TNRC6A: variants seen among roughly 807,000 people sequenced by gnomAD.
TNRC6A encodes trinucleotide repeat-containing gene 6A protein.
TNRC6A carries 44 observed loss-of-function variants against 221.2 expected under a neutral mutation model. The ratio of observed to expected loss-of-function variants is 0.20; its 90% CI spans 0.16 to 0.26. The LOEUF is 0.26. Ranked by LOEUF, TNRC6A falls within the 10% of genes least tolerant of loss-of-function variation. TNRC6A has a pLI of 1.00. For synonymous variants in TNRC6A, 847 were observed against 838.5 expected (o/e 1.01, Z -0.18); for missense variants, 2,199 against 2,404.4 (o/e 0.91, Z 1.79).
intron 2 of TNRC6A, among the ~76,000 whole-genome samples, chr16:24,675,659 A>ACTCTCTCTCTCT (rs71381700): frequency 3.7e-4 from 14 of 37,550 alleles, no homozygotes; most frequent in East Asian, 1.4e-3. Flanking sequence ...CCAGCCAGAG[A>ACTCTCTCTCTCT]CTCTCTCTCT....
intron 18 of TNRC6A, among the ~76,000 whole-genome samples, chr16:24,809,814 T>G (rs2058507266): frequency 6.6e-6 from 1 of 152,240 alleles, no homozygotes; most frequent in African/African-American, 2.4e-5. Context: ...TGATATGTTC[T>G]TAGGACATTT....
intron 2 of TNRC6A, among the ~76,000 whole-genome samples, chr16:24,719,606 C>A (rs972086459): frequency 2.6e-5 from 4 of 151,946 alleles, no homozygotes; most frequent in Admixed American, 1.3e-4. Context: ...TTGCAGTGAG[C>A]TGCAGTCATG....
intron 2 of TNRC6A, chr16:24,661,934 C>T (rs1267323093): frequency 1.3e-5 from 2 of 152,110 alleles, no homozygotes; most frequent in African/African-American, 2.4e-5. Flanking sequence ...AACATATGTA[C>T]TCTGTAGTCC....
rs889521876 is a variant in TNRC6A at position 24,806,856 on chromosome 16, C to G, written c.4540+72C>G. 14 of 1,381,268 alleles carry G rather than the reference C, an allele frequency of 1.0e-5. No individual in the cohort carries two copies. In the African/African-American group the frequency reaches 2.0e-4, roughly 20 times the overall value. 85.6% of individuals were successfully genotyped at this position (1,381,268 alleles called of 1,614,324 possible). A position where few individuals can be genotyped will look rare whatever the true frequency, so the allele number is the denominator to read the frequency against. ...CAGGCGTGCCTCCTTCACACGTACC[C>G]TTACAGCTCTGTTCCTTCATGAAAG... On this transcript the variant is annotated intron_variant, in intron 17 of 24. Coordinates refer to ENST00000395799, the MANE Select transcript of TNRC6A (RefSeq NM_014494.4).
chr16:24,689,747 C>T (rs1297596136), intron 2 of TNRC6A, among the ~76,000 whole-genome samples: 1 of 151,832 alleles, frequency 6.6e-6, no homozygotes, highest in Non-Finnish European at 1.5e-5. Context: ...TATGGTGACA[C>T]ATGCTATGAG....
intron 21 of TNRC6A, among the ~76,000 whole-genome samples, chr16:24,819,119 T>G (rs2058713569): frequency 6.6e-6 from 1 of 152,260 alleles, no homozygotes; most frequent in African/African-American, 2.4e-5. Flanking sequence ...GTCAGGTTGC[T>G]GTCTGTCTAC....
intron 2 of TNRC6A, among the ~76,000 whole-genome samples, chr16:24,677,603 T>G (rs1205818941): frequency 2.0e-5 from 3 of 152,218 alleles, no homozygotes; most frequent in East Asian, 3.8e-4. Context: ...TGAGTCTCCC[T>G]GTGAAACAGT....
intron 22 of TNRC6A, among the ~76,000 whole-genome samples, chr16:24,821,482 G>A (rs1596841123): frequency 6.6e-6 from 1 of 152,328 alleles, no homozygotes; most frequent in South Asian, 2.1e-4. Flanking sequence ...AGGTGGATAG[G>A]CCTGAGCTGT....
At chr16:24,732,708 A>T (rs2056672969) in intron 2 of TNRC6A, among the ~76,000 whole-genome samples, 1 of 152,150 alleles carries the variant, frequency 6.6e-6, no homozygotes. Flanking sequence ...TGGACCAGAT[A>T]ATTTATTATT....
At chr16:24,818,404 T>C (rs2287785) in intron 20 of TNRC6A, among the ~76,000 whole-genome samples, 189 bp from the exon 21 acceptor site, 8,942 of 152,110 alleles carry the variant, frequency 0.059, 726 homozygotes, top group East Asian at 0.35. Context: ...GCAGAGACAA[T>C]TGGCGAGCTC....
chr16:24,619,556 T>C (rs865991004), intron 1 of TNRC6A, among the ~76,000 whole-genome samples: 2 of 152,308 alleles, frequency 1.3e-5, no homozygotes, highest in Middle Eastern at 3.4e-3. Flanking sequence ...CACATTTTTG[T>C]CTGGAGAATG....
At chr16:24,793,951 C>T (rs1351663946) in intron 7 of TNRC6A, among the ~76,000 whole-genome samples, 2 of 152,076 alleles carry the variant, frequency 1.3e-5, no homozygotes, top group Non-Finnish European at 2.9e-5. Context: ...ACTTTCATGC[C>T]ATCCAGCCTG....
chr16:24,798,219 A>G, intron 11 of TNRC6A: 1 of 299,970 alleles, frequency 3.3e-6, no homozygotes. Context: ...TGGAGGGTAT[A>G]GTCTTCTTGA....
rs1189159998 is a variant in TNRC6A, at chr16:24,729,699, G to GTGT, written c.-143_-142insTGT. The stretch of plus-strand genomic sequence containing the variant: ...GGCGGCGGTGTCGGCGGCGGCGGCG[G>GTGT]CGGCGGCGGCGGCGGCGGCAGCGGG... On this transcript the variant is annotated 5_prime_UTR_variant, in exon 1 of 25. Transcript: ENST00000395799. 7.0e-6 allele frequency: 7 copies of GTGT among 999,136 alleles called. No homozygotes were observed. In the East Asian group the frequency reaches 1.7e-4, roughly 24 times the overall value. The allele number at this position is 999,136 out of a possible 1,614,324, so 61.9% of individuals were successfully genotyped here.
chr16:24,755,441 C>T (rs2057230331), intron 3 of TNRC6A, among the ~76,000 whole-genome samples: 1 of 152,224 alleles, frequency 6.6e-6, no homozygotes, highest in African/African-American at 2.4e-5. Flanking sequence ...CTGATGTCTG[C>T]TGAATGCTTT....
chr16:24,700,222 G>A (rs191388274), intron 2 of TNRC6A, among the ~76,000 whole-genome samples: 1 of 152,084 alleles, frequency 6.6e-6, no homozygotes, highest in African/African-American at 2.4e-5. Flanking sequence ...AACATAGTGA[G>A]ACCCTGTGTC....
intron 2 of TNRC6A, among the ~76,000 whole-genome samples, chr16:24,702,100 CTT>C (rs1393088483): frequency 9.2e-5 from 6 of 65,098 alleles, no homozygotes; most frequent in Admixed American, 3.3e-4. Context: ...CTTTTCTTTT[CTT>C]TTTTCTTTTT....
At chr16:24,770,844 C>T (rs1302252430) in intron 4 of TNRC6A, among the ~76,000 whole-genome samples, 1 of 152,162 alleles carries the variant, frequency 6.6e-6, no homozygotes, top group Non-Finnish European at 1.5e-5. Context: ...CAATGGTTCT[C>T]GAAGTTTACC....
chr16:24,771,627 A>ATGTTAT (rs2057613135), intron 4 of TNRC6A, among the ~76,000 whole-genome samples: 1 of 150,414 alleles, frequency 6.6e-6, no homozygotes, highest in Non-Finnish European at 1.5e-5. Context: ...ATGTTATGTT[A>ATGTTAT]TTCAGGAGTT....
Sources: allele counts gnomAD v4.1 joint callset (sites outside exome capture counted in the v4.1 genomes callset), GRCh38; gene constraint gnomAD v4.1.1; transcripts MANE v1.5; gene names NCBI Gene and HGNC (gene_info 2026-07-23, HGNC 2026-07-21).